CDH13: variants seen among roughly 807,000 people sequenced by gnomAD.
CDH13 encodes the protein cadherin-13.
In CDH13, 24 loss-of-function variants were observed where a neutral mutation model predicts 63.8. The observed-to-expected ratio is 0.38, with a 90% CI of 0.27 to 0.53. The LOEUF (loss-of-function observed/expected upper bound fraction) is 0.53, where lower values mean the gene tolerates loss of function less well. Ranked by LOEUF, CDH13 falls within the 20% of genes least tolerant of loss-of-function variation. CDH13 has a pLI of 0.85. For missense variants in CDH13, 1,049 were observed against 903.1 expected (o/e 1.16, Z -2.07); for synonymous variants, 503 against 355.3 (o/e 1.42, Z -4.67).
At chr16:82,863,743 G>A (rs2040027652) in intron 2 of CDH13, among the ~76,000 whole-genome samples, 1 of 151,944 alleles carries the variant, frequency 6.6e-6, no homozygotes, top group Non-Finnish European at 1.5e-5. Flanking sequence ...TCTTATAATG[G>A]CCATCTGAAA....
intron 5 of CDH13, among the ~76,000 whole-genome samples, chr16:83,256,741 A>G (rs1000287749): frequency 7.0e-6 from 1 of 142,188 alleles, no homozygotes; most frequent in African/African-American, 2.6e-5. Context: ...GCTACTTGGG[A>G]GGCTGAGGCA....
chr16:83,498,901 G>A (rs1390564398), intron 7 of CDH13, among the ~76,000 whole-genome samples: 2 of 152,204 alleles, frequency 1.3e-5, no homozygotes, highest in Non-Finnish European at 2.9e-5. Flanking sequence ...GGCTTCTATA[G>A]CTCGGTTTTA....
intron 2 of CDH13, among the ~76,000 whole-genome samples, chr16:82,900,038 C>A (rs928303077): frequency 6.6e-6 from 1 of 151,890 alleles, no homozygotes; most frequent in Admixed American, 6.6e-5. Flanking sequence ...CTTGATTGCT[C>A]TCTCTCTCTC....
At chr16:82,697,763 G>A (rs1321108095) in intron 1 of CDH13, among the ~76,000 whole-genome samples, 1 of 150,862 alleles carries the variant, frequency 6.6e-6, no homozygotes, top group African/African-American at 2.4e-5. Context: ...GTGTGTGTGT[G>A]TGTGTGTGTG....
At chr16:83,204,392 A>G (rs957351556) in intron 4 of CDH13, among the ~76,000 whole-genome samples, 2 of 152,226 alleles carry the variant, frequency 1.3e-5, no homozygotes, top group African/African-American at 4.8e-5. Flanking sequence ...TAAGAATAGC[A>G]TGTGCCGGAG....
chr16:83,549,034 G>A lies in CDH13; in HGVS notation c.961-53420G>A, dbSNP rs146140846. Among the ~76,000 whole-genome samples the A allele has an allele frequency of 7.2e-3, 1,097 of 152,286 alleles. 11 individuals carry two copies. Among genetic ancestry groups the A allele is most frequent in the African/African-American group, 0.024 (1,018 of 41,552 alleles). ...AATTTTCTTCCCTGTGTGGCTGTGT[G>A]CTTGTCAGTGCTCTGACAGATCAAG... On this transcript the variant is annotated intron_variant, in intron 7 of 13. Transcript: ENST00000567109.
chr16:83,276,000 A>G (rs1207620910), intron 5 of CDH13, among the ~76,000 whole-genome samples: 1 of 152,188 alleles, frequency 6.6e-6, no homozygotes, highest in African/African-American at 2.4e-5. Context: ...AAACAATTAT[A>G]ACAGAAGGAA....
intron 4 of CDH13, among the ~76,000 whole-genome samples, chr16:83,196,029 G>C (rs1051986416): frequency 6.6e-6 from 1 of 152,168 alleles, no homozygotes; most frequent in African/African-American, 2.4e-5. Flanking sequence ...GCCGAGGCAG[G>C]CGGATCACCT....
At chr16:82,980,308 T>A (rs1361842639) in intron 2 of CDH13, among the ~76,000 whole-genome samples, 7 of 152,228 alleles carry the variant, frequency 4.6e-5, no homozygotes, top group Admixed American at 4.6e-4. Flanking sequence ...TGTCTGTTGG[T>A]CAAAACTAGA....
At chr16:83,714,770 A>G (rs972074689) in intron 10 of CDH13, among the ~76,000 whole-genome samples, 3 of 152,178 alleles carry the variant, frequency 2.0e-5, no homozygotes, top group African/African-American at 7.2e-5. Context: ...TATAGAAGAC[A>G]GAAATGGGAA....
chr16:83,663,136 C>T (rs1405668741), intron 8 of CDH13, among the ~76,000 whole-genome samples: 1 of 152,066 alleles, frequency 6.6e-6, no homozygotes. Context: ...AGAAATAATC[C>T]CATTTTTCAT....
chr16:83,709,507 A>G (rs1400975422), intron 10 of CDH13, among the ~76,000 whole-genome samples: 1 of 152,174 alleles, frequency 6.6e-6, no homozygotes, highest in East Asian at 1.9e-4. Context: ...TCTGCACAGG[A>G]ATTGCATCAT....
chr16:82,657,626 T>C (rs1412988319), intron 1 of CDH13, among the ~76,000 whole-genome samples: 1 of 152,244 alleles, frequency 6.6e-6, no homozygotes. Flanking sequence ...ACTACTGTAT[T>C]TTGTACATTT....
chr16:83,650,172 G>A (rs1349547188), intron 8 of CDH13, among the ~76,000 whole-genome samples: 2 of 151,836 alleles, frequency 1.3e-5, no homozygotes, highest in Non-Finnish European at 2.9e-5. Flanking sequence ...GGCACCCACA[G>A]GTATAAAATG....
intron 8 of CDH13, among the ~76,000 whole-genome samples, chr16:83,659,500 G>T (rs1403407027): frequency 1.3e-5 from 2 of 152,262 alleles, no homozygotes; most frequent in Non-Finnish European, 2.9e-5. Context: ...GACCTCAGTG[G>T]TTACCTCAAG....
chr16:83,546,671 C>G (rs1037493732), intron 7 of CDH13, among the ~76,000 whole-genome samples: 1 of 151,986 alleles, frequency 6.6e-6, no homozygotes, highest in Non-Finnish European at 1.5e-5. Context: ...TTGGGGAGAC[C>G]CAGTGGTGTG....
chr16:83,319,838 G>A (rs562966272), intron 5 of CDH13, among the ~76,000 whole-genome samples: 47 of 152,208 alleles, frequency 3.1e-4, no homozygotes, highest in South Asian at 4.2e-4. Context: ...AAATTTCAGG[G>A]GATAAGTGAA....
At chr16:83,677,123 T>C (rs796113255) in intron 9 of CDH13, among the ~76,000 whole-genome samples, 4 of 152,316 alleles carry the variant, frequency 2.6e-5, no homozygotes, top group African/African-American at 9.6e-5. Context: ...CTTACCTAAA[T>C]GTCTCCCCAT....
chr16:82,837,483 T>A (rs1414195043), intron 1 of CDH13, among the ~76,000 whole-genome samples: 1 of 151,982 alleles, frequency 6.6e-6, no homozygotes, highest in African/African-American at 2.4e-5. Context: ...GTTTCCTTGA[T>A]CCCCAAGGAG....
Sources: allele counts gnomAD v4.1 joint callset (sites outside exome capture counted in the v4.1 genomes callset), GRCh38; gene constraint gnomAD v4.1.1; transcripts MANE v1.5; gene names NCBI Gene and HGNC (gene_info 2026-07-23, HGNC 2026-07-21).